Variants in FGF14 observed in about 807,000 individuals in gnomAD.
FGF14 encodes the protein fibroblast growth factor 14.
FGF14 carries 5 observed loss-of-function variants against 25.5 expected under a neutral mutation model. That is an observed-to-expected ratio of 0.20 (90% CI 0.10 to 0.41). The LOEUF (loss-of-function observed/expected upper bound fraction) is 0.41. Ranked by LOEUF, FGF14 falls within the 10% of genes least tolerant of loss-of-function variation. The pLI is 1.00. For synonymous variants in FGF14, 138 were observed against 118.3 expected, an observed-to-expected ratio of 1.17 and a Z score of -1.08; for missense variants, 222 against 320.1, an observed-to-expected ratio of 0.69 and a Z score of 2.34.
chr13:102,379,044 C>T (rs1237830291), intron 1 of FGF14, among the ~76,000 whole-genome samples: 1 of 152,040 alleles, frequency 6.6e-6, no homozygotes, highest in Non-Finnish European at 1.5e-5. Context: ...AAAGATTGAG[C>T]TTTTTCATTC....
intron 1 of FGF14, among the ~76,000 whole-genome samples, chr13:102,261,997 C>T (rs960347184): frequency 6.6e-6 from 1 of 152,150 alleles, no homozygotes; most frequent in African/African-American, 2.4e-5. Context: ...GTGACTCTTC[C>T]TGGAAGCAGT....
At chr13:101,800,861 CTTTA>C (rs1402436405) in intron 3 of FGF14, among the ~76,000 whole-genome samples, 2 of 152,136 alleles carry the variant, frequency 1.3e-5, no homozygotes, top group Admixed American at 6.6e-5. Flanking sequence ...TCTAACAGAA[CTTTA>C]TTTACAGAAA....
intron 1 of FGF14, among the ~76,000 whole-genome samples, chr13:101,882,851 T>A (rs2045786789): frequency 6.6e-6 from 1 of 152,174 alleles, no homozygotes. Context: ...TACAAACATC[T>A]GAGCTCTGTT....
chr13:102,029,020 A>C (rs1370880944), intron 1 of FGF14, among the ~76,000 whole-genome samples: 1 of 152,042 alleles, frequency 6.6e-6, no homozygotes, highest in Non-Finnish European at 1.5e-5. Flanking sequence ...TCCACAGCTC[A>C]TCGGTACAGA....
chr13:102,296,528 G>T (rs552435431), intron 1 of FGF14, among the ~76,000 whole-genome samples: 2 of 152,106 alleles, frequency 1.3e-5, no homozygotes, highest in South Asian at 4.1e-4. Context: ...GCACTTAAGA[G>T]TAATAAGAAA....
At chr13:102,009,734 ACT>A (rs2039984008) in intron 1 of FGF14, among the ~76,000 whole-genome samples, 1 of 152,038 alleles carries the variant, frequency 6.6e-6, no homozygotes, top group Non-Finnish European at 1.5e-5. Flanking sequence ...TTAATAAGAG[ACT>A]CAACTCATTT....
At chr13:102,098,731 G>A (rs982555352) in intron 1 of FGF14, among the ~76,000 whole-genome samples, 2 of 152,120 alleles carry the variant, frequency 1.3e-5, no homozygotes, top group Non-Finnish European at 2.9e-5. Flanking sequence ...CCTTCATTTT[G>A]GAGAGGACCT....
intron 1 of FGF14, among the ~76,000 whole-genome samples, chr13:102,034,507 C>CG (rs1595063809): frequency 6.6e-6 from 1 of 152,106 alleles, no homozygotes; most frequent in East Asian, 1.9e-4. Flanking sequence ...TCTAATCCTC[C>CG]GACTAGAGCT....
In FGF14 at chr13:101,916,376, A is replaced by G. The variant is rs555583262; in HGVS notation, c.193+77T>C. ...GTGGGCCGGGAAAACCGAGGGAGGG[A>G]AGGAGCCTGGAGAAGCTCCGTTTAG... On this transcript the variant is annotated intron_variant, in intron 1 of 4. Coordinates refer to ENST00000376143, the MANE Select transcript of FGF14 (RefSeq NM_004115.4). The G allele has an allele frequency of 3.0e-5, 47 of 1,551,018 alleles. No individual in the cohort carries two copies. In the South Asian group the frequency reaches 4.8e-4, roughly 16 times the overall value.
At chr13:102,118,257 T>G (rs1430627891) in intron 1 of FGF14, among the ~76,000 whole-genome samples, 2 of 152,020 alleles carry the variant, frequency 1.3e-5, no homozygotes, top group African/African-American at 4.8e-5. Context: ...GTTATATACG[T>G]ATGGGATAAA....
intron 3 of FGF14, among the ~76,000 whole-genome samples, chr13:101,750,118 C>T (rs925964541): frequency 4.6e-5 from 7 of 152,080 alleles, no homozygotes; most frequent in Admixed American, 6.6e-5. Context: ...GAGTTCCCAG[C>T]CTCCAGAACT....
intron 1 of FGF14, among the ~76,000 whole-genome samples, chr13:102,201,102 C>CAAAAAAAAA (rs60149871): frequency 3.2e-5 from 2 of 62,718 alleles, no homozygotes; most frequent in Non-Finnish European, 5.5e-5. Flanking sequence ...CTCCGTCTCT[C>CAAAAAAAAA]AAAAAAAAAA....
In FGF14 at chr13:101,886,984, C is replaced by T. The variant is rs141066720; in HGVS notation, c.194-11688G>A. Among the ~76,000 whole-genome samples the T allele has an allele frequency of 3.6e-4, 55 of 152,084 alleles. No individual in the cohort carries two copies. In the East Asian group the frequency reaches 8.7e-3, roughly 24 times the overall value. On this transcript the variant is annotated intron_variant, in intron 1 of 4. Coordinates refer to ENST00000376143, the MANE Select transcript of FGF14 (RefSeq NM_004115.4). Reference sequence around the variant, plus strand: ...TCACCAGAAAAATGCAAATCAAAGCCACAATGAGATACTATCTCACCCCAG... The same window carrying T: ...TCACCAGAAAAATGCAAATCAAAGCTACAATGAGATACTATCTCACCCCAG...
intron 1 of FGF14, among the ~76,000 whole-genome samples, chr13:102,109,097 G>C (rs983202367): frequency 6.6e-6 from 1 of 151,720 alleles, no homozygotes; most frequent in Non-Finnish European, 1.5e-5. Flanking sequence ...TATTTCTAGA[G>C]AGGTCTTTCA....
At chr13:102,347,912 T>C (rs2057159314) in intron 1 of FGF14, among the ~76,000 whole-genome samples, 1 of 152,030 alleles carries the variant, frequency 6.6e-6, no homozygotes, top group South Asian at 2.1e-4. Context: ...GGAGGCAATC[T>C]CTATTTATAA....
chr13:101,801,458 A>G (rs188784904), intron 3 of FGF14, among the ~76,000 whole-genome samples: 1 of 152,214 alleles, frequency 6.6e-6, no homozygotes, highest in Admixed American at 6.5e-5. Flanking sequence ...GCCATAGAAA[A>G]TATTACTTTA....
intron 3 of FGF14, among the ~76,000 whole-genome samples, chr13:101,849,940 A>T (rs1202347060): frequency 6.6e-6 from 1 of 152,034 alleles, no homozygotes; most frequent in East Asian, 1.9e-4. Context: ...AAGCTCTGAG[A>T]TCTGTAGGCC....
chr13:101,923,451 C>A (rs893894030), intron 1 of FGF14, among the ~76,000 whole-genome samples: 2 of 151,984 alleles, frequency 1.3e-5, no homozygotes, highest in African/African-American at 4.8e-5. Context: ...ATATTGATGT[C>A]CCTTTTCATT....
intron 1 of FGF14, among the ~76,000 whole-genome samples, chr13:102,007,668 C>T (rs1221991838): frequency 3.3e-5 from 5 of 152,172 alleles, no homozygotes; most frequent in Non-Finnish European, 7.3e-5. Context: ...TGCCAAGGAG[C>T]TTATCCCTGT....
Sources: allele counts gnomAD v4.1 joint callset (sites outside exome capture counted in the v4.1 genomes callset), GRCh38; gene constraint gnomAD v4.1.1; transcripts MANE v1.5; gene names NCBI Gene and HGNC (gene_info 2026-07-23, HGNC 2026-07-21).